The following WIF1 variants were observed in gnomAD, a reference collection of about 807,000 sequenced individuals.
WIF1 encodes the protein Wnt inhibitory factor 1.
WIF1 carries 35 observed loss-of-function variants against 53.5 expected under a neutral mutation model. The observed-to-expected ratio is 0.65, with a 90% CI of 0.50 to 0.87. The LOEUF is 0.87. WIF1 is among the 40% of genes least tolerant of loss of function. The probability of loss-of-function intolerance (pLI) is 0.00; values close to 1 mark genes in which losing one functional copy is unlikely to be tolerated. For synonymous variants in WIF1, 171 were observed against 170.4 expected (o/e 1.00, Z -0.03); for missense variants, 467 against 476.8 (o/e 0.98, Z 0.19).
chr12:65,115,006 T>A (rs960516216), intron 2 of WIF1, among the ~76,000 whole-genome samples: 10 of 152,092 alleles, frequency 6.6e-5, no homozygotes. Flanking sequence ...AATCCAGGTG[T>A]TTGGTTTGAA....
In WIF1 at chr12:65,055,955, G is replaced by A. The variant is rs761755759; in HGVS notation, c.922+76C>T. On this transcript the variant is annotated intron_variant, in intron 8 of 9. Transcript: ENST00000286574. ...TGCCCAGGCAACATGCACTAAGCAC[G>A]GAAGTATGTAGTGAGAGACTCCTGC... is the stretch of plus-strand genomic sequence containing the variant. 118 of 1,336,752 alleles carry A rather than the reference G, an allele frequency of 8.8e-5. No homozygotes were observed. The East Asian group carries it at 1.0e-3, about 12-fold the overall frequency. 82.8% of individuals were successfully genotyped at this position (1,336,752 alleles called of 1,614,324 possible).
chr12:65,066,584 T>C (rs962922193), intron 6 of WIF1, 57 bp downstream of exon 6: 44 of 1,440,460 alleles, frequency 3.1e-5, no homozygotes, highest in Non-Finnish European at 4.1e-5. Flanking sequence ...AAGTAACTTA[T>C]TCTAATCAAA....
intron 6 of WIF1, among the ~76,000 whole-genome samples, chr12:65,063,935 CA>C (rs1882651207): frequency 6.6e-6 from 1 of 152,030 alleles, no homozygotes; most frequent in Non-Finnish European, 1.5e-5. Flanking sequence ...ACACAGGTCA[CA>C]AAAAAATTCA....
chr12:65,070,040 C>T (rs140245644), intron 3 of WIF1, among the ~76,000 whole-genome samples: 1 of 152,138 alleles, frequency 6.6e-6, no homozygotes, highest in Non-Finnish European at 1.5e-5. Context: ...TAAGACAAAT[C>T]TTTTCCTTTT....
intron 9 of WIF1, among the ~76,000 whole-genome samples, chr12:65,054,524 C>T (rs1477131545): frequency 6.6e-6 from 1 of 152,164 alleles, no homozygotes; most frequent in Non-Finnish European, 1.5e-5. Context: ...ATAGCTAGCT[C>T]ATTTTTGGTA....
intron 3 of WIF1, among the ~76,000 whole-genome samples, chr12:65,070,493 T>C (rs1882756433): frequency 6.6e-6 from 1 of 152,216 alleles, no homozygotes; most frequent in Non-Finnish European, 1.5e-5. Flanking sequence ...GTAATTTCTT[T>C]AAATTTTTTG....
intron 7 of WIF1, among the ~76,000 whole-genome samples, chr12:65,060,089 C>T (rs1882589321): frequency 6.6e-6 from 1 of 150,690 alleles, no homozygotes; most frequent in Non-Finnish European, 1.5e-5. Flanking sequence ...AACTGGAACC[C>T]TCATACACTG....
At chr12:65,056,704 C>T (rs1316236906) in intron 7 of WIF1, among the ~76,000 whole-genome samples, 1 of 152,090 alleles carries the variant, frequency 6.6e-6, no homozygotes, top group Non-Finnish European at 1.5e-5. Context: ...GGCTGGAGTG[C>T]AGTGGCAGGA....
chr12:65,071,934 C>G (rs1440768495), intron 3 of WIF1, among the ~76,000 whole-genome samples: 1 of 152,020 alleles, frequency 6.6e-6, no homozygotes, highest in Non-Finnish European at 1.5e-5. Flanking sequence ...ATGTGATAAA[C>G]CATACCATTA....
chr12:65,079,532 C>T (rs1882916379), intron 2 of WIF1, among the ~76,000 whole-genome samples: 3 of 151,174 alleles, frequency 2.0e-5, no homozygotes, highest in Admixed American at 1.3e-4. Flanking sequence ...CCTCAGTTAT[C>T]AGCTTCCAGC....
intron 2 of WIF1, among the ~76,000 whole-genome samples, chr12:65,095,504 T>C (rs1246962732): frequency 2.6e-5 from 4 of 152,226 alleles, no homozygotes; most frequent in Non-Finnish European, 5.9e-5. Flanking sequence ...TAGAGGCAGA[T>C]ATGATAACTA....
At chr12:65,092,794 G>A (rs1309672928) in intron 2 of WIF1, among the ~76,000 whole-genome samples, 2 of 151,998 alleles carry the variant, frequency 1.3e-5, no homozygotes, top group Non-Finnish European at 2.9e-5. Context: ...TTAACCCAAG[G>A]AAAGCTGTCT....
chr12:65,102,923 A>C (rs1408894825), intron 2 of WIF1, among the ~76,000 whole-genome samples: 1 of 152,256 alleles, frequency 6.6e-6, no homozygotes, highest in Admixed American at 6.5e-5. Flanking sequence ...TTCTGAAAGA[A>C]TGGATGGCAA....
chr12:65,079,234 G>T (rs569570315), intron 2 of WIF1, among the ~76,000 whole-genome samples: 1 of 148,088 alleles, frequency 6.8e-6, no homozygotes, highest in Non-Finnish European at 1.5e-5. Context: ...AGCAAGAAAA[G>T]GGATCAATGT....
chr12:65,075,855 A>G (rs1413586545), intron 3 of WIF1, among the ~76,000 whole-genome samples: 1 of 152,222 alleles, frequency 6.6e-6, no homozygotes, highest in Non-Finnish European at 1.5e-5. Context: ...AGTGGTGAAT[A>G]TACCTAATAT....
intron 2 of WIF1, among the ~76,000 whole-genome samples, chr12:65,106,717 C>A (rs958706835): frequency 6.6e-6 from 1 of 152,178 alleles, no homozygotes; most frequent in Non-Finnish European, 1.5e-5. Flanking sequence ...GGCTGAGAGA[C>A]CACAATTAAT....
chr12:65,103,035 G>A (rs1883304639), intron 2 of WIF1, among the ~76,000 whole-genome samples: 1 of 152,106 alleles, frequency 6.6e-6, no homozygotes, highest in Admixed American at 6.6e-5. Flanking sequence ...CACTCAAAAT[G>A]TTTCCTTATA....
At chr12:65,107,347 T>C (rs966269120) in intron 2 of WIF1, among the ~76,000 whole-genome samples, 3 of 152,206 alleles carry the variant, frequency 2.0e-5, no homozygotes, top group Non-Finnish European at 4.4e-5. Flanking sequence ...TGTCCTGTCC[T>C]GGCACAGTGG....
At chr12:65,068,681 G>GTC in intron 4 of WIF1, 83 bp downstream of exon 4, 1 of 995,702 alleles carries the variant, frequency 1.0e-6, no homozygotes, top group Admixed American at 2.4e-5. Context: ...GTGTGTGTGT[G>GTC]TGTGTATAGA....
Sources: gnomAD v4.1 joint callset for allele counts (sites outside exome capture counted in the v4.1 genomes callset) on GRCh38, gnomAD v4.1.1 for gene constraint, MANE v1.5 for transcripts, NCBI Gene and HGNC (gene_info 2026-07-23, HGNC 2026-07-21) for gene names.